PRKCQ: variants seen among roughly 807,000 people sequenced by gnomAD.
PRKCQ encodes protein kinase C theta.
In PRKCQ, 41 loss-of-function variants were observed where a neutral mutation model predicts 91.2. That is an observed-to-expected ratio of 0.45 (90% CI 0.35 to 0.58). The LOEUF (loss-of-function observed/expected upper bound fraction) is 0.58, where lower values mean the gene tolerates loss of function less well. Among genes scored for constraint, PRKCQ ranks in the 20% least tolerant of loss-of-function variants. PRKCQ has a pLI of 0.00. For missense variants in PRKCQ, 673 were observed against 896.5 expected, an observed-to-expected ratio of 0.75 and a Z score of 3.18; for synonymous variants, 307 against 316.9, an observed-to-expected ratio of 0.97 and a Z score of 0.33.
intron 1 of PRKCQ, among the ~76,000 whole-genome samples, chr10:6,557,896 T>C (rs968788642): frequency 2.0e-5 from 3 of 152,196 alleles, no homozygotes; most frequent in African/African-American, 7.2e-5. Flanking sequence ...CCTCCAACCA[T>C]CTACGCAACA....
the PRKCQ span, among the ~76,000 whole-genome samples, chr10:6,415,746 C>CTCT: frequency 2.3e-3 from 325 of 140,300 alleles, 1 homozygote; most frequent in African/African-American, 8.2e-3. Flanking sequence ...CTCTCTCTCT[C>CTCT]TTTTTTTTTT....
intron 1 of PRKCQ, among the ~76,000 whole-genome samples, chr10:6,518,308 T>A (rs1838854142): frequency 6.6e-6 from 1 of 152,194 alleles, no homozygotes; most frequent in Non-Finnish European, 1.5e-5. Flanking sequence ...TAAATTAAAA[T>A]CTTAAAGTAA....
chr10:6,406,934 A>T, the PRKCQ span, among the ~76,000 whole-genome samples: 1 of 152,258 alleles, frequency 6.6e-6, no homozygotes, highest in Non-Finnish European at 1.5e-5. Context: ...ATTTAAGCAC[A>T]GCTAATAAAG....
At chr10:6,551,463 C>G (rs1424625825) in intron 1 of PRKCQ, among the ~76,000 whole-genome samples, 1 of 150,282 alleles carries the variant, frequency 6.7e-6, no homozygotes, top group Non-Finnish European at 1.5e-5. Context: ...AGTGCACCAT[C>G]TCAGCTCACT....
rs762275564 is a variant in PRKCQ, at chr10:6,515,070, G to A, written c.66C>T (p.Gly22=). 34 of 1,613,658 alleles carry A rather than the reference G, an allele frequency of 2.1e-5. No homozygotes were observed. Among genetic ancestry groups the A allele is most frequent in the East Asian group, 8.9e-5 (4 of 44,890 alleles). ...FDCGSCQSCQ[G]EAVNPYCAVL... ...CAGCACAGTAAGGGTTAACAGCCTC[G>A]CCCTGACAAGACTGGCAGGACCCGC... The change falls in exon 2 of 18, where the codon GGC becomes GGT. Residue 22 remains glycine, a synonymous_variant. Transcript: ENST00000263125.
At chr10:6,453,014 C>T (rs1434620986) in intron 15 of PRKCQ, among the ~76,000 whole-genome samples, 1 of 151,746 alleles carries the variant, frequency 6.6e-6, no homozygotes, top group Non-Finnish European at 1.5e-5. Context: ...TAGGCATGGG[C>T]AAGGACTTCA....
chr10:6,527,497 C>A (rs766958649), intron 1 of PRKCQ, among the ~76,000 whole-genome samples: 1 of 152,154 alleles, frequency 6.6e-6, no homozygotes, highest in Admixed American at 6.5e-5. Context: ...ATCCCTCTAA[C>A]CTATCCTCAC....
chr10:6,515,039 C>A lies in PRKCQ; in HGVS notation c.97G>T (p.Val33Phe), dbSNP rs372791078. 6.2e-7 allele frequency: 1 copy of A among 1,613,482 alleles called. No individual in the cohort carries two copies. Among genetic ancestry groups the A allele is most frequent in the South Asian group, 1.1e-5 (1 of 91,018 alleles). ...TTACCTGATTCGACATACTCTTTGA[C>A]GAGCACAGCACAGTAAGGGTTAACA... ...EAVNPYCAVL[V>F]KEYVESENGQ... Residue 33 changes from valine (V) to phenylalanine (F), a missense_variant, in exon 2 of 18, where the codon GTC becomes TTC. Physicochemically the swap from Val to Phe is conservative, Grantham distance 50. Transcript: ENST00000263125.
chr10:6,513,835 A>C (rs1228937671), intron 2 of PRKCQ, among the ~76,000 whole-genome samples: 1 of 152,174 alleles, frequency 6.6e-6, no homozygotes, highest in Non-Finnish European at 1.5e-5. Context: ...TCAAAGTCTG[A>C]GTCAGTTTCT....
the PRKCQ span, among the ~76,000 whole-genome samples, chr10:6,405,827 G>A: frequency 6.6e-6 from 1 of 152,200 alleles, no homozygotes; most frequent in Admixed American, 6.5e-5. Context: ...CTCTATGACT[G>A]GTGCACCCAT....
intron 15 of PRKCQ, among the ~76,000 whole-genome samples, chr10:6,442,469 G>A (rs545272890): frequency 1.3e-5 from 2 of 152,174 alleles, no homozygotes; most frequent in African/African-American, 4.8e-5. Context: ...CCAAGCCTAC[G>A]TGCTTTGCTG....
intron 12 of PRKCQ, 119 bp downstream of exon 12, chr10:6,478,873 A>C (rs567867029): frequency 8.5e-7 from 1 of 1,177,170 alleles, no homozygotes; most frequent in Admixed American, 2.3e-5. Context: ...TGGCAGGTAC[A>C]CCGAAATGTA....
the PRKCQ span, among the ~76,000 whole-genome samples, chr10:6,406,624 T>C: frequency 7.9e-4 from 121 of 152,366 alleles, no homozygotes; most frequent in African/African-American, 2.8e-3. Context: ...AAGGCTATTA[T>C]AATTTTTATA....
downstream of PRKCQ, among the ~76,000 whole-genome samples, chr10:6,424,672 G>T (rs1833076068): frequency 6.6e-6 from 1 of 152,152 alleles, no homozygotes; most frequent in African/African-American, 2.4e-5. Context: ...GCAGTTTTAT[G>T]ATGTAACAAA....
intron 3 of PRKCQ, among the ~76,000 whole-genome samples, chr10:6,510,274 T>C (rs1363909255): frequency 6.6e-6 from 1 of 152,210 alleles, no homozygotes; most frequent in Admixed American, 6.5e-5. Context: ...CCTTTTAACA[T>C]TTCTAAATAT....
At chr10:6,547,021 C>A (rs1331559682) in intron 1 of PRKCQ, among the ~76,000 whole-genome samples, 1 of 152,088 alleles carries the variant, frequency 6.6e-6, no homozygotes, top group Non-Finnish European at 1.5e-5. Flanking sequence ...TCTGTTTATA[C>A]GCTGGATTAC....
chr10:6,481,585 A>T (rs1588729476), intron 11 of PRKCQ, among the ~76,000 whole-genome samples: 1 of 152,252 alleles, frequency 6.6e-6, no homozygotes, highest in East Asian at 1.9e-4. Context: ...GACAGAGTCG[A>T]TTCTGCTGAA....
chr10:6,488,980 A>G (rs1294826582), intron 8 of PRKCQ, among the ~76,000 whole-genome samples: 1 of 151,492 alleles, frequency 6.6e-6, no homozygotes, highest in East Asian at 2.0e-4. Context: ...TGGGGGTCTC[A>G]CTTTGTTGCC....
At chr10:6,481,747 T>C (rs1836608296) in intron 11 of PRKCQ, among the ~76,000 whole-genome samples, 1 of 152,248 alleles carries the variant, frequency 6.6e-6, no homozygotes, top group South Asian at 2.1e-4. Context: ...TGGTGTATAA[T>C]GCTGCCTTTG....
Sources: gnomAD v4.1 joint callset for allele counts (sites outside exome capture counted in the v4.1 genomes callset) on GRCh38, gnomAD v4.1.1 for gene constraint, MANE v1.5 for transcripts, NCBI Gene and HGNC (gene_info 2026-07-23, HGNC 2026-07-21) for gene names.